The following USP54 variants were observed in gnomAD, a reference collection of about 807,000 sequenced individuals.
The protein encoded by USP54 is ubiquitin carboxyl-terminal hydrolase 54.
USP54 carries 87 observed loss-of-function variants against 170.5 expected under a neutral mutation model. The observed-to-expected ratio is 0.51, with a 90% CI of 0.43 to 0.61. USP54 has a LOEUF of 0.61. USP54 is among the 20% of genes least tolerant of loss of function. The pLI is 0.00. For synonymous variants in USP54, 655 were observed against 742.8 expected (o/e 0.88, Z 1.92); for missense variants, 1,786 against 2,047.8 (o/e 0.87, Z 2.47).
intron 4 of USP54, among the ~76,000 whole-genome samples, chr10:73,570,550 C>CTT (rs554652532): frequency 2.4e-4 from 32 of 132,232 alleles, no homozygotes; most frequent in East Asian, 1.3e-3. Flanking sequence ...TTTCCTTTTT[C>CTT]TTTTTTTTTT....
At chr10:73,500,556 T>G in intron 23 of USP54, 99 bp downstream of exon 23, 2 of 1,175,144 alleles carry the variant, frequency 1.7e-6, no homozygotes, top group Non-Finnish European at 2.4e-6. Context: ...CACTCCACCT[T>G]GGGATACCCC....
chr10:73,620,312 CAA>C (rs757270815), intron 1 of USP54, among the ~76,000 whole-genome samples: 2 of 118,102 alleles, frequency 1.7e-5, no homozygotes. Flanking sequence ...GACTCCATCT[CAA>C]AAAAAAAAAA....
In USP54 at chr10:73,516,613, A is replaced by G. The variant is rs753514114; in HGVS notation, c.3813T>C (p.Asp1271=). 10 of 1,614,134 alleles carry G rather than the reference A, an allele frequency of 6.2e-6. No homozygotes were observed. Among genetic ancestry groups the G allele is most frequent in the African/African-American group, 1.3e-5 (1 of 74,944 alleles). ...TAGGTGCCCCATGCTTAAGCTGAGA[A>G]TCACAGAACCTTGTGATATTCACCC... ...DSWVNITRFC[D]SQLKHGAPRP... The change falls in exon 20 of 24, where the codon GAT becomes GAC. Residue 1271 remains aspartate (D), a synonymous_variant. Coordinates refer to ENST00000687698, the MANE Select transcript of USP54 (RefSeq NM_001391956.1).
At chr10:73,611,928 G>C (rs1019187756) in intron 1 of USP54, among the ~76,000 whole-genome samples, 2 of 152,030 alleles carry the variant, frequency 1.3e-5, no homozygotes, top group South Asian at 4.2e-4. Context: ...GCACAACACA[G>C]TGACAACTCA....
chr10:73,505,536 T>A (rs1466628024), intron 20 of USP54, 110 bp from the exon 21 acceptor site: 1 of 837,940 alleles, frequency 1.2e-6, no homozygotes, highest in African/African-American at 1.7e-5. Flanking sequence ...ATAATAAATA[T>A]GCATCCTTGA....
chr10:73,563,996 T>TAA (rs201585866), intron 4 of USP54, among the ~76,000 whole-genome samples: 1 of 149,688 alleles, frequency 6.7e-6, no homozygotes, highest in Non-Finnish European at 1.5e-5. Flanking sequence ...TTCTAAAACT[T>TAA]AAAAAAAACA....
At chr10:73,576,808 T>C (rs1564896347) in intron 1 of USP54, among the ~76,000 whole-genome samples, 1 of 152,216 alleles carries the variant, frequency 6.6e-6, no homozygotes, top group Non-Finnish European at 1.5e-5. Flanking sequence ...AAGGCCATGT[T>C]AGCAGTCTAA....
chr10:73,548,328 C>T (rs1354028263), intron 4 of USP54, among the ~76,000 whole-genome samples: 1 of 152,134 alleles, frequency 6.6e-6, no homozygotes, highest in Non-Finnish European at 1.5e-5. Flanking sequence ...GTGGCAATTC[C>T]TCAAGGATCT....
chr10:73,533,552 TAA>T (rs1170672312), intron 12 of USP54, among the ~76,000 whole-genome samples: 5 of 137,446 alleles, frequency 3.6e-5, no homozygotes, highest in Non-Finnish European at 3.2e-5. Flanking sequence ...TCTTGATATT[TAA>T]AAAAAAAAAA....
upstream of USP54, among the ~76,000 whole-genome samples, chr10:73,595,522 G>T (rs1589363623): frequency 6.6e-6 from 1 of 152,222 alleles, no homozygotes; most frequent in Middle Eastern, 3.4e-3. Flanking sequence ...AATCATACAA[G>T]AAATCTCTAT....
chr10:73,547,119 T>C (rs1298653500), intron 4 of USP54, among the ~76,000 whole-genome samples: 2 of 152,210 alleles, frequency 1.3e-5, no homozygotes, highest in Admixed American at 1.3e-4. Context: ...ATGAATATCA[T>C]GTCCAAAGAG....
At chr10:73,502,529 G>A (rs565385381) in intron 22 of USP54, among the ~76,000 whole-genome samples, 6 of 152,192 alleles carry the variant, frequency 3.9e-5, no homozygotes, top group African/African-American at 1.4e-4. Flanking sequence ...TAGCCAGGAT[G>A]GTCTCAATCT....
At chr10:73,544,706 T>G (rs1389596889) in intron 5 of USP54, among the ~76,000 whole-genome samples, 3 of 152,064 alleles carry the variant, frequency 2.0e-5, no homozygotes, top group African/African-American at 7.2e-5. Context: ...CTCTCAAATT[T>G]TCTTTTTTTT....
At chr10:73,523,511 C>G (rs538841135) in intron 17 of USP54, 72 bp downstream of exon 17, 3 of 1,449,202 alleles carry the variant, frequency 2.1e-6, no homozygotes, top group African/African-American at 1.4e-5. Flanking sequence ...AGGGAACTTA[C>G]AAGCTTAGAT....
intron 4 of USP54, among the ~76,000 whole-genome samples, chr10:73,563,208 C>T (rs1298521522): frequency 2.0e-5 from 3 of 152,134 alleles, no homozygotes; most frequent in Non-Finnish European, 4.4e-5. Flanking sequence ...CCTGCCTCAG[C>T]CTCCCAAAGT....
intron 1 of USP54, among the ~76,000 whole-genome samples, chr10:73,576,892 G>A (rs1170496498): frequency 6.6e-6 from 1 of 152,198 alleles, no homozygotes; most frequent in Non-Finnish European, 1.5e-5. Flanking sequence ...TTAACATGCA[G>A]TCCAAGAGAA....
At chr10:73,616,444 T>C (rs1327952525) in intron 1 of USP54, among the ~76,000 whole-genome samples, 1 of 148,232 alleles carries the variant, frequency 6.7e-6, no homozygotes, top group Non-Finnish European at 1.5e-5. Context: ...AAGTGGCAGC[T>C]GAACAATGAA....
At chr10:73,603,292 TA>T (rs1589383227) in intron 1 of USP54, among the ~76,000 whole-genome samples, 3 of 152,192 alleles carry the variant, frequency 2.0e-5, no homozygotes, top group African/African-American at 7.2e-5. Flanking sequence ...TTAAATGTCT[TA>T]GAAAATATAT....
At chr10:73,622,300 A>ATATTTATTTATT (rs112001853) in intron 1 of USP54, among the ~76,000 whole-genome samples, 6 of 149,662 alleles carry the variant, frequency 4.0e-5, no homozygotes, top group South Asian at 4.2e-4. Flanking sequence ...GACTGTTGTA[A>ATATTTATTTATT]TATTTATTTA....
Sources: allele counts gnomAD v4.1 joint callset (sites outside exome capture counted in the v4.1 genomes callset), GRCh38; gene constraint gnomAD v4.1.1; transcripts MANE v1.5; gene names NCBI Gene and HGNC (gene_info 2026-07-23, HGNC 2026-07-21).